XKR6: variants seen among roughly 807,000 people sequenced by gnomAD.
The protein encoded by XKR6 is XK related 6, also known as XK-related protein 6.
A neutral mutation model predicts 56.7 loss-of-function variants in XKR6; 22 were observed. That is an observed-to-expected ratio of 0.39 (90% CI 0.28 to 0.55). XKR6 has a LOEUF of 0.55. Among genes scored for constraint, XKR6 ranks in the 20% least tolerant of loss-of-function variants. XKR6 has a pLI of 0.66. For missense variants in XKR6, 852 were observed against 889.0 expected, an observed-to-expected ratio of 0.96 and a Z score of 0.53; for synonymous variants, 524 against 387.8, an observed-to-expected ratio of 1.35 and a Z score of -4.13.
chr8:11,008,702 A>AC (rs1239324723), intron 1 of XKR6, among the ~76,000 whole-genome samples: 5 of 152,046 alleles, frequency 3.3e-5, no homozygotes, highest in African/African-American at 1.2e-4. Flanking sequence ...GGTGTGAACC[A>AC]CCACCCCGGC....
intron 1 of XKR6, among the ~76,000 whole-genome samples, chr8:11,004,339 G>C (rs1440527450): frequency 6.6e-6 from 1 of 152,108 alleles, no homozygotes; most frequent in Non-Finnish European, 1.5e-5. Context: ...GGGCATGTTG[G>C]CGCACACCTG....
At chr8:10,924,512 G>T in intron 2 of XKR6, 122 bp downstream of exon 2, 2 of 1,220,132 alleles carry the variant, frequency 1.6e-6, no homozygotes, top group Non-Finnish European at 2.3e-6. Context: ...GGCGTCCTGG[G>T]GACTCAGGGC....
At chr8:10,914,916 A>G (rs961320960) in intron 2 of XKR6, among the ~76,000 whole-genome samples, 7 of 151,710 alleles carry the variant, frequency 4.6e-5, no homozygotes, top group Middle Eastern at 3.4e-3. Context: ...TGTCTGGGCC[A>G]CTCCTCTTTC....
intron 2 of XKR6, among the ~76,000 whole-genome samples, chr8:10,916,540 G>A (rs1377393170): frequency 2.0e-5 from 3 of 152,202 alleles, no homozygotes; most frequent in Non-Finnish European, 2.9e-5. Flanking sequence ...AAAGAGAGGA[G>A]GCCATTCAAC....
Position 11,185,481 on chromosome 8 carries a change from T to TG in XKR6, c.764+15094dup, listed in dbSNP as rs377071382. ...CTGATGACAGTGAAGATTTACTGTA[T>TG]GGGGTTTTAGAGTAAATTTCTAAAT... is the stretch of plus-strand genomic sequence containing the variant. On this transcript the variant is annotated intron_variant, in intron 1 of 2. Coordinates refer to ENST00000416569, the MANE Select transcript of XKR6 (RefSeq NM_173683.4). Among the ~76,000 whole-genome samples the TG allele has an allele frequency of 2.1e-3, 317 of 152,326 alleles. 1 individual carries two copies. Among genetic ancestry groups the TG allele is most frequent in the African/African-American group, 7.3e-3 (302 of 41,586 alleles).
chr8:11,133,398 G>A (rs1800215565), intron 1 of XKR6, among the ~76,000 whole-genome samples: 1 of 152,150 alleles, frequency 6.6e-6, no homozygotes, highest in South Asian at 2.1e-4. Flanking sequence ...GGACCCTGGG[G>A]CACAGCATGT....
At chr8:10,992,672 G>T (rs1472593695) in intron 1 of XKR6, among the ~76,000 whole-genome samples, 3 of 152,124 alleles carry the variant, frequency 2.0e-5, no homozygotes, top group Non-Finnish European at 2.9e-5. Context: ...TCTCACCATT[G>T]ACCTTGAACA....
chr8:11,064,822 T>A (rs1041309290), intron 1 of XKR6, among the ~76,000 whole-genome samples: 1 of 152,232 alleles, frequency 6.6e-6, no homozygotes, highest in Admixed American at 6.5e-5. Context: ...AGGTTAAGGA[T>A]ACTTATTGTC....
At chr8:10,954,866 C>CTCTTTTTTT (rs1563309729) in intron 1 of XKR6, among the ~76,000 whole-genome samples, 2 of 92,794 alleles carry the variant, frequency 2.2e-5, no homozygotes, top group Non-Finnish European at 4.4e-5. Flanking sequence ...ACTTCATTCT[C>CTCTTTTTTT]TTTTTTTTTT....
At chr8:11,129,030 G>T in intron 1 of XKR6, 2 of 453,192 alleles carry the variant, frequency 4.4e-6, no homozygotes, top group Non-Finnish European at 8.9e-6. Context: ...TACACACAGT[G>T]AAATTAAGCA....
intron 1 of XKR6, among the ~76,000 whole-genome samples, chr8:11,011,919 C>T (rs975266101): frequency 7.2e-5 from 11 of 152,162 alleles, no homozygotes; most frequent in Admixed American, 2.0e-4. Context: ...CAGGTGTGCA[C>T]CTGCTGGAAG....
chr8:11,070,612 G>C (rs1221702004), intron 1 of XKR6, among the ~76,000 whole-genome samples: 2 of 152,126 alleles, frequency 1.3e-5, no homozygotes, highest in Admixed American at 6.5e-5. Context: ...GATCCCAATG[G>C]GCAAAACAGC....
chr8:11,179,114 C>A (rs996666955), intron 1 of XKR6, among the ~76,000 whole-genome samples: 3 of 150,962 alleles, frequency 2.0e-5, no homozygotes, highest in Non-Finnish European at 4.4e-5. Flanking sequence ...GCATCAGCCT[C>A]CCAAAGTGCT....
chr8:10,966,918 T>C lies in XKR6; in HGVS notation c.765-42088A>G, dbSNP rs148694618. ...CACTCTGATCTCTGGGGCTAGGTCT[T>C]AGCCTCAGTCATCTTTCAATCTCCC... On this transcript the variant is annotated intron_variant, in intron 1 of 2. Coordinates refer to ENST00000416569, the MANE Select transcript of XKR6 (RefSeq NM_173683.4). 2.6e-3 allele frequency among the ~76,000 whole-genome samples: 395 copies of C among 152,238 alleles called. 1 individual carries two copies. Among genetic ancestry groups the C allele is most frequent in the African/African-American group, 9.0e-3 (373 of 41,550 alleles).
chr8:11,080,939 T>C (rs572663151), intron 1 of XKR6, among the ~76,000 whole-genome samples: 18 of 152,206 alleles, frequency 1.2e-4, no homozygotes, highest in African/African-American at 3.6e-4. Context: ...AGAAGATCCG[T>C]ATGACAAGGA....
intron 1 of XKR6, among the ~76,000 whole-genome samples, chr8:11,171,943 C>T (rs112307743): frequency 6.2e-4 from 95 of 152,106 alleles, no homozygotes; most frequent in African/African-American, 2.1e-3. Flanking sequence ...ATCCCTGCTA[C>T]TCAGGAGGCT....
intron 1 of XKR6, among the ~76,000 whole-genome samples, chr8:10,988,396 G>A (rs929694799): frequency 6.6e-6 from 1 of 152,170 alleles, no homozygotes; most frequent in Non-Finnish European, 1.5e-5. Context: ...CGTATATCCT[G>A]GTCTCCTTTG....
intron 1 of XKR6, among the ~76,000 whole-genome samples, chr8:11,055,703 T>C (rs2129161614): frequency 6.6e-6 from 1 of 152,244 alleles, no homozygotes; most frequent in South Asian, 2.1e-4. Flanking sequence ...GGACTTTGCT[T>C]GCACAGGGCA....
chr8:11,055,844 G>A lies in XKR6; in HGVS notation c.765-131014C>T, dbSNP rs550240063. 5.3e-5 allele frequency among the ~76,000 whole-genome samples: 8 copies of A among 152,272 alleles called. No individual in the cohort carries two copies. In the South Asian group the frequency reaches 1.7e-3, roughly 32 times the overall value. On this transcript the variant is annotated intron_variant, in intron 1 of 2. Coordinates refer to ENST00000416569, the MANE Select transcript of XKR6 (RefSeq NM_173683.4). ...GGGGGTGGGCAAGAAGGCCTGGGCTGGGGAACCTGGATCACAGTTCTGGTC... is the reference window on the plus strand; with the variant it reads ...GGGGGTGGGCAAGAAGGCCTGGGCTAGGGAACCTGGATCACAGTTCTGGTC...
Sources: gnomAD v4.1 joint callset for allele counts (sites outside exome capture counted in the v4.1 genomes callset) on GRCh38, gnomAD v4.1.1 for gene constraint, MANE v1.5 for transcripts, NCBI Gene and HGNC (gene_info 2026-07-23, HGNC 2026-07-21) for gene names.